Variants in GOLM2 observed in about 807,000 individuals in gnomAD.
GOLM2 encodes protein GOLM2.
In GOLM2, 26 loss-of-function variants were observed where a neutral mutation model predicts 55.9. The ratio of observed to expected loss-of-function variants is 0.47; its 90% CI spans 0.34 to 0.65. The LOEUF is 0.65. Ranked by LOEUF, GOLM2 falls within the 30% of genes least tolerant of loss-of-function variation. The pLI is 0.01. For synonymous variants in GOLM2, 165 were observed against 194.6 expected (o/e 0.85, Z 1.27); for missense variants, 486 against 531.8 (o/e 0.91, Z 0.85).
At chr15:44,397,551 A>AAATG (rs2079536427) in intron 8 of GOLM2, among the ~76,000 whole-genome samples, 1 of 151,528 alleles carries the variant, frequency 6.6e-6, no homozygotes, top group Admixed American at 6.6e-5. Context: ...TTATACCATC[A>AAATG]AATGATAACT....
intron 9 of GOLM2, among the ~76,000 whole-genome samples, chr15:44,411,436 T>G (rs2079637928): frequency 2.0e-5 from 3 of 152,200 alleles, no homozygotes. Flanking sequence ...ATGTATGACT[T>G]TCTTTAAATT....
chr15:44,296,550 A>G (rs942780958), intron 1 of GOLM2, among the ~76,000 whole-genome samples: 2 of 152,204 alleles, frequency 1.3e-5, no homozygotes, highest in African/African-American at 4.8e-5. Flanking sequence ...TTGGAATATA[A>G]TAGTAGTCTC....
At chr15:44,376,781 A>C (rs1358641275) in intron 6 of GOLM2, among the ~76,000 whole-genome samples, 1 of 151,376 alleles carries the variant, frequency 6.6e-6, no homozygotes, top group African/African-American at 2.4e-5. Flanking sequence ...TCTTTTTTTA[A>C]TTTTTAATTT....
intron 6 of GOLM2, among the ~76,000 whole-genome samples, chr15:44,361,694 T>G (rs1302188561): frequency 2.6e-5 from 4 of 152,250 alleles, no homozygotes; most frequent in African/African-American, 9.6e-5. Flanking sequence ...TAACTCATTT[T>G]ATGAGGCCAG....
chr15:44,341,784 C>T (rs913361863), intron 6 of GOLM2, among the ~76,000 whole-genome samples: 3 of 150,270 alleles, frequency 2.0e-5, no homozygotes, highest in Non-Finnish European at 4.4e-5. Flanking sequence ...GCATCCTCGG[C>T]CTCCCGGGTT....
At chr15:44,335,100 AG>A (rs748944115) in intron 4 of GOLM2, among the ~76,000 whole-genome samples, 5 of 152,192 alleles carry the variant, frequency 3.3e-5, no homozygotes, top group Non-Finnish European at 7.3e-5. Context: ...AAACAGAAAA[AG>A]GACTTAGTGG....
In GOLM2 at chr15:44,351,968, A is replaced by T. The variant is rs544950193; in HGVS notation, c.802+13651A>T. Among the ~76,000 whole-genome samples the T allele has an allele frequency of 1.3e-4, 20 of 152,340 alleles. No individual in the cohort carries two copies. In the East Asian group the frequency reaches 3.7e-3, roughly 28 times the overall value. On this transcript the variant is annotated intron_variant, in intron 6 of 9. Coordinates refer to ENST00000299957, the MANE Select transcript of GOLM2 (RefSeq NM_138423.4). ...AAGATATTCCATGTTCATAGATTGG[A>T]AGAATCAATATTGTTAAAATGTTCA...
At chr15:44,370,033 G>A (rs901788628) in intron 6 of GOLM2, among the ~76,000 whole-genome samples, 27 of 152,102 alleles carry the variant, frequency 1.8e-4, no homozygotes, top group Admixed American at 4.6e-4. Flanking sequence ...CATCCAGCAC[G>A]AGAGAAAGAT....
chr15:44,288,723 C>T lies in GOLM2; in HGVS notation c.-307C>T. 2.5e-6 allele frequency: 1 copy of T among 400,120 alleles called. No individual in the cohort carries two copies. 24.8% of individuals were successfully genotyped at this position (400,120 alleles called of 1,614,324 possible). A position where few individuals can be genotyped will look rare whatever the true frequency, so the allele number is the denominator to read the frequency against. ...CGCCCCTTTCCGGTTTTTTTCCCCGCCTCCCAACCGTGAGGTGTTGGGTTT... is the reference window on the plus strand; with the variant it reads ...CGCCCCTTTCCGGTTTTTTTCCCCGTCTCCCAACCGTGAGGTGTTGGGTTT... On this transcript the variant is annotated 5_prime_UTR_variant, in exon 1 of 10. Transcript: ENST00000299957.
At chr15:44,401,646 A>C (rs2079565961) in intron 8 of GOLM2, among the ~76,000 whole-genome samples, 1 of 152,190 alleles carries the variant, frequency 6.6e-6, no homozygotes, top group Non-Finnish European at 1.5e-5. Context: ...ATTATTAGGA[A>C]GTTAATTTTA....
chr15:44,362,344 T>G (rs2079247111), intron 6 of GOLM2, among the ~76,000 whole-genome samples: 1 of 151,922 alleles, frequency 6.6e-6, no homozygotes, highest in East Asian at 1.9e-4. Flanking sequence ...ACTTCAGCAG[T>G]CTCAGGATAC....
chr15:44,403,169 G>GT, intron 9 of GOLM2, 115 bp downstream of exon 9: 1 of 1,285,454 alleles, frequency 7.8e-7, no homozygotes, highest in Non-Finnish European at 1.1e-6. Flanking sequence ...TAAATTTTTT[G>GT]TTTTTTCTTT....
At chr15:44,333,511 G>T (rs1402138736) in intron 4 of GOLM2, among the ~76,000 whole-genome samples, 1 of 152,164 alleles carries the variant, frequency 6.6e-6, no homozygotes, top group East Asian at 1.9e-4. Context: ...CTTTGAAGAG[G>T]TGTTTAAGGA....
intron 6 of GOLM2, among the ~76,000 whole-genome samples, chr15:44,368,699 G>A (rs1012347846): frequency 4.0e-5 from 6 of 150,308 alleles, no homozygotes; most frequent in African/African-American, 1.5e-4. Flanking sequence ...ATATATATAC[G>A]CACACACATA....
At chr15:44,305,986 C>A (rs1249186947) in intron 1 of GOLM2, among the ~76,000 whole-genome samples, 2 of 152,148 alleles carry the variant, frequency 1.3e-5, no homozygotes, top group Non-Finnish European at 2.9e-5. Flanking sequence ...GCAGATAAAA[C>A]AGATTTAGCA....
At chr15:44,363,405 A>G (rs941400026) in intron 6 of GOLM2, among the ~76,000 whole-genome samples, 1 of 152,246 alleles carries the variant, frequency 6.6e-6, no homozygotes, top group African/African-American at 2.4e-5. Context: ...ACACTTCTCA[A>G]AAGAAGCCAT....
intron 6 of GOLM2, among the ~76,000 whole-genome samples, chr15:44,371,476 A>G (rs145958139): frequency 4.8e-4 from 73 of 152,360 alleles, no homozygotes; most frequent in African/African-American, 8.2e-4. Context: ...TAAGTAGTAC[A>G]TGTAGACATT....
chr15:44,381,101 T>G, intron 8 of GOLM2, 125 bp downstream of exon 8: 2 of 544,762 alleles, frequency 3.7e-6, no homozygotes, highest in Non-Finnish European at 5.7e-6. Flanking sequence ...AGAGAAGGTA[T>G]GAAAGTGTCA....
chr15:44,405,657 C>G (rs1183037432), intron 9 of GOLM2, among the ~76,000 whole-genome samples: 1 of 151,470 alleles, frequency 6.6e-6, no homozygotes. Flanking sequence ...CTCACTCTGT[C>G]TCACCCAGGC....
Sources: gnomAD v4.1 joint callset for allele counts (sites outside exome capture counted in the v4.1 genomes callset) on GRCh38, gnomAD v4.1.1 for gene constraint, MANE v1.5 for transcripts, NCBI Gene and HGNC (gene_info 2026-07-23, HGNC 2026-07-21) for gene names.